Variants in FBXW8 observed in about 807,000 individuals in gnomAD.
FBXW8 encodes the protein F-box/WD repeat-containing protein 8.
FBXW8 carries 57 observed loss-of-function variants against 65.3 expected under a neutral mutation model. The ratio of observed to expected loss-of-function variants is 0.87; its 90% confidence interval spans 0.71 to 1.09. The LOEUF is 1.09. FBXW8 is among the 50% of genes least tolerant of loss of function. The pLI, the probability that FBXW8 is intolerant of heterozygous loss-of-function variation, is 0.00. For missense variants in FBXW8, 777 were observed against 814.8 expected, an observed-to-expected ratio of 0.95 and a Z score of 0.57; for synonymous variants, 308 against 330.2, an observed-to-expected ratio of 0.93 and a Z score of 0.73.
At chr12:116,929,492 C>T (rs1436659450) in intron 2 of FBXW8, among the ~76,000 whole-genome samples, 1 of 152,100 alleles carries the variant, frequency 6.6e-6, no homozygotes, top group African/African-American at 2.4e-5. Context: ...ACCTCAGCCT[C>T]CCAAAGTGCT....
intron 8 of FBXW8, among the ~76,000 whole-genome samples, chr12:117,020,328 A>AT (rs35339193): frequency 0.027 from 4,093 of 152,012 alleles, 180 homozygotes; most frequent in African/African-American, 0.088. Flanking sequence ...GTGTTTCCCC[A>AT]TTTTTTAAAT....
intron 7 of FBXW8, among the ~76,000 whole-genome samples, chr12:116,990,749 G>A (rs1953219527): frequency 6.6e-6 from 1 of 152,254 alleles, no homozygotes; most frequent in African/African-American, 2.4e-5. Context: ...ATGTAAGGCA[G>A]TGGGGTTTTT....
chr12:116,929,494 C>T lies in FBXW8; in HGVS notation c.423+1367C>T, dbSNP rs138505453. 2.1e-3 allele frequency among the ~76,000 whole-genome samples: 324 copies of T among 152,176 alleles called. 1 individual carries two copies. Among genetic ancestry groups the T allele is most frequent in the African/African-American group, 6.7e-3 (277 of 41,508 alleles). ...AAGTAATCCACCCACCTCAGCCTCC[C>T]AAAGTGCTGGGATTACAGGCATGAG... On this transcript the variant is annotated intron_variant, in intron 2 of 10. Coordinates refer to ENST00000652555, the MANE Select transcript of FBXW8 (RefSeq NM_153348.3).
chr12:116,948,005 T>G (rs1217269438), intron 3 of FBXW8, among the ~76,000 whole-genome samples: 1 of 152,120 alleles, frequency 6.6e-6, no homozygotes, highest in East Asian at 1.9e-4. Flanking sequence ...GTGCTCGACT[T>G]CAGGATGGGT....
chr12:117,023,906 C>T (rs549044158), intron 8 of FBXW8, among the ~76,000 whole-genome samples: 1 of 152,362 alleles, frequency 6.6e-6, no homozygotes, highest in Non-Finnish European at 1.5e-5. Context: ...GTAAAGTGGG[C>T]AGCCACTGTC....
At chr12:116,984,551 C>G (rs1166903318) in intron 5 of FBXW8, among the ~76,000 whole-genome samples, 1 of 152,210 alleles carries the variant, frequency 6.6e-6, no homozygotes, top group Admixed American at 6.5e-5. Context: ...TCAGGCTGAG[C>G]ATCCCTAATC....
intron 8 of FBXW8, among the ~76,000 whole-genome samples, chr12:117,014,966 T>C (rs1953914441): frequency 1.3e-5 from 2 of 152,304 alleles, no homozygotes; most frequent in Middle Eastern, 6.8e-3. Context: ...CTATCAGAGT[T>C]CTACCTGCCG....
rs368411775 is a variant in FBXW8 at position 117,006,646 on chromosome 12, CAG to C, written c.1240-3672_1240-3671del. On this transcript the variant is annotated intron_variant, in intron 7 of 10. Coordinates refer to ENST00000652555, the MANE Select transcript of FBXW8 (RefSeq NM_153348.3). Reference sequence around the variant, plus strand: ...CTAGAAGATGATCGGTGGGTCTCCTCAGAGAGGCAGGCCCCGTCTATGGAGGA... The same window carrying C: ...CTAGAAGATGATCGGTGGGTCTCCTCAGAGGCAGGCCCCGTCTATGGAGGA... Among the ~76,000 whole-genome samples, 189 of 152,334 alleles carry C rather than the reference CAG, an allele frequency of 1.2e-3. 1 individual carries two copies. Among genetic ancestry groups the C allele is most frequent in the African/African-American group, 4.2e-3 (173 of 41,572 alleles).
In FBXW8 at chr12:117,028,432, T is replaced by G. The variant is rs1220036608; in HGVS notation, c.*260T>G. ...CCCCACCCAGCTGGCCACCCTGGCC[T>G]CAGCTCCCTCAGGACGCCTCAGGGA... On this transcript the variant is annotated 3_prime_UTR_variant, in exon 11 of 11. Coordinates refer to ENST00000652555, the MANE Select transcript of FBXW8 (RefSeq NM_153348.3). The surrounding 1 kb of genome is among the most constrained non-coding windows in gnomAD (Gnocchi z 4.1). The G allele has an allele frequency of 3.9e-6, 2 of 516,290 alleles. No individual in the cohort carries two copies. The highest frequency in any genetic ancestry group is 2.1e-5 in the South Asian group (1 of 46,564). 32.0% of individuals were successfully genotyped at this position (516,290 alleles called of 1,614,324 possible).
At position 117,030,387 on chromosome 12, in the gene FBXW8, CT is replaced by C. The variant is rs1323422017; in HGVS notation, c.*2218del. 1 of 152,132 alleles carries C rather than the reference CT, an allele frequency of 6.6e-6. No individual in the cohort carries two copies. Among genetic ancestry groups the C allele is most frequent in the African/African-American group, 2.4e-5 (1 of 41,408 alleles). The allele number at this position is 152,132 out of a possible 1,614,324, so 9.4% of individuals were successfully genotyped here. On this transcript the variant is annotated 3_prime_UTR_variant, in exon 11 of 11. Coordinates refer to ENST00000652555, the MANE Select transcript of FBXW8 (RefSeq NM_153348.3). ...GGTAGCAAATGCAGGATTTTGTTTACTTTCATCATGTCATGTGGTGGTCAGA... is the reference window on the plus strand; with the variant it reads ...GGTAGCAAATGCAGGATTTTGTTTACTTCATCATGTCATGTGGTGGTCAGA...
At chr12:116,982,125 G>A (rs1444339569) in intron 5 of FBXW8, among the ~76,000 whole-genome samples, 1 of 152,178 alleles carries the variant, frequency 6.6e-6, no homozygotes. Flanking sequence ...AGAAAAGGGA[G>A]CAAAGAACAG....
At chr12:117,024,023 T>C in intron 8 of FBXW8, 124 bp from the exon 9 acceptor site, 1 of 929,638 alleles carries the variant, frequency 1.1e-6, no homozygotes, top group Non-Finnish European at 1.6e-6. Context: ...CGATGTTTGT[T>C]TGCAGCTGAG....
chr12:116,949,611 C>T lies in FBXW8; in HGVS notation c.589-7C>T, dbSNP rs1211860123. ...GTCTAAACTGCATCCCCCTTTTCCT[C>T]ACGCAGAATCGCAAAGGTGCCGTGA... On this transcript the variant is annotated splice_polypyrimidine_tract_variant and splice_region_variant and intron_variant, in intron 3 of 10. Transcript: ENST00000652555. 2 of 1,614,126 alleles carry T rather than the reference C, an allele frequency of 1.2e-6. No homozygotes were observed. Among genetic ancestry groups the T allele is most frequent in the Non-Finnish European group, 1.7e-6 (2 of 1,179,946 alleles).
At chr12:116,947,194 CTATT>C (rs998140778) in intron 3 of FBXW8, among the ~76,000 whole-genome samples, 3 of 152,090 alleles carry the variant, frequency 2.0e-5, no homozygotes, top group African/African-American at 7.2e-5. Flanking sequence ...AGCTGAATGT[CTATT>C]TAGTATTTAT....
chr12:116,947,584 A>G lies in FBXW8; in HGVS notation c.589-2034A>G, dbSNP rs1883011931. 5.3e-5 allele frequency among the ~76,000 whole-genome samples: 8 copies of G among 151,908 alleles called. No individual in the cohort carries two copies. The South Asian group carries it at 1.7e-3, about 32-fold the overall frequency. On this transcript the variant is annotated intron_variant, in intron 3 of 10. Transcript: ENST00000652555. Reference sequence around the variant, plus strand: ...GTGAAACCCCATCTCTACTAAAAATACGAAAATTAGCCGGGCGTGGTGGCA... The same window carrying G: ...GTGAAACCCCATCTCTACTAAAAATGCGAAAATTAGCCGGGCGTGGTGGCA...
intron 3 of FBXW8, among the ~76,000 whole-genome samples, 164 bp downstream of exon 3, chr12:116,945,692 A>G (rs1395777140): frequency 6.6e-6 from 1 of 152,206 alleles, no homozygotes; most frequent in Non-Finnish European, 1.5e-5. Context: ...TTTGTTCACC[A>G]TTAGATGATC....
chr12:116,934,084 ACT>A (rs1473861106), intron 2 of FBXW8, among the ~76,000 whole-genome samples: 3 of 151,956 alleles, frequency 2.0e-5, no homozygotes, highest in Non-Finnish European at 4.4e-5. Flanking sequence ...ACAGTAAGAA[ACT>A]CTGTTACTGG....
chr12:116,978,219 T>C (rs1045365396), intron 5 of FBXW8: 7 of 152,190 alleles, frequency 4.6e-5, no homozygotes, highest in African/African-American at 1.7e-4. Context: ...CCCTCCGTGG[T>C]TTAGCTGTTC....
intron 7 of FBXW8, chr12:117,002,852 C>A (rs1353480090): frequency 6.6e-6 from 1 of 152,138 alleles, no homozygotes; most frequent in Non-Finnish European, 1.5e-5. Context: ...AGTCTTAGCT[C>A]ATCTGTGAAT....
Sources: allele counts gnomAD v4.1 joint callset (sites outside exome capture counted in the v4.1 genomes callset), GRCh38; gene constraint gnomAD v4.1.1; non-coding constraint Gnocchi (gnomAD v3.1); transcripts MANE v1.5; gene names NCBI Gene and HGNC (gene_info 2026-07-23, HGNC 2026-07-21).